Variants in MED27 observed in about 807,000 individuals in gnomAD.
MED27 encodes mediator complex subunit 27, also known as mediator of RNA polymerase II transcription subunit 27.
Under a neutral mutation model 38.2 loss-of-function variants are expected in MED27, and 30 were observed. The ratio of observed to expected loss-of-function variants is 0.79; its 90% CI spans 0.59 to 1.07. The LOEUF is 1.07. Ranked by LOEUF, MED27 falls within the 50% of genes least tolerant of loss-of-function variation. The pLI is 0.00. For synonymous variants in MED27, 122 were observed against 153.5 expected, an observed-to-expected ratio of 0.79 and a Z score of 1.52; for missense variants, 289 against 397.5, an observed-to-expected ratio of 0.73 and a Z score of 2.32.
At position 131,883,998 on chromosome 9, in the gene MED27, C is replaced by G; in HGVS notation, c.723+60G>C. On this transcript the variant is annotated intron_variant, in intron 6 of 7. Coordinates refer to ENST00000292035, the MANE Select transcript of MED27 (RefSeq NM_004269.4). The surrounding 1 kb of genome is among the most constrained non-coding windows in gnomAD (Gnocchi z 4.2). ...CTCTGATTTGAGACCAATGTTTAAACCTCAAAGCATTCACGTTTTCCTAAT... is the reference window on the plus strand; with the variant it reads ...CTCTGATTTGAGACCAATGTTTAAAGCTCAAAGCATTCACGTTTTCCTAAT... 1 of 1,447,726 alleles carries G rather than the reference C, an allele frequency of 6.9e-7. No individual in the cohort carries two copies. The highest frequency in any genetic ancestry group is 9.6e-7 in the Non-Finnish European group (1 of 1,037,752). 89.7% of individuals were successfully genotyped at this position (1,447,726 alleles called of 1,614,324 possible).
intron 3 of MED27, among the ~76,000 whole-genome samples, chr9:131,945,321 T>C (rs926457233): frequency 6.6e-6 from 1 of 151,880 alleles, no homozygotes; most frequent in Non-Finnish European, 1.5e-5. Flanking sequence ...AAATAAAGAT[T>C]GTATATATTT....
intron 3 of MED27, among the ~76,000 whole-genome samples, chr9:131,966,422 A>G (rs1379843061): frequency 6.7e-6 from 1 of 149,482 alleles, no homozygotes; most frequent in Non-Finnish European, 1.5e-5. Context: ...GGAAAAGGAA[A>G]AGGAAGTGTA....
rs560048613 is a variant in MED27 at position 131,872,894 on chromosome 9, G to A, written c.724-9754C>T. 6.6e-6 allele frequency among the ~76,000 whole-genome samples: 1 copy of A among 152,326 alleles called. No homozygotes were observed. The highest frequency in any genetic ancestry group is 1.9e-4 in the East Asian group (1 of 5,194). The stretch of plus-strand genomic sequence containing the variant: ...TGAGGATTCAGCTTGGAACCAGGGA[G>A]GCCACCTGCACAGCACTGTCCTCTG... On this transcript the variant is annotated intron_variant, in intron 6 of 7. Transcript: ENST00000292035. This position sits in a 1 kb window ranked among gnomAD's most constrained non-coding sequence, Gnocchi z 5.6.
At chr9:131,903,833 T>A (rs2131522179) in intron 4 of MED27, among the ~76,000 whole-genome samples, 1 of 151,502 alleles carries the variant, frequency 6.6e-6, no homozygotes, top group African/African-American at 2.4e-5. Context: ...GCTCAAGTGA[T>A]CCTCCTGCCT....
intron 3 of MED27, among the ~76,000 whole-genome samples, chr9:131,942,902 T>C (rs1830813600): frequency 6.6e-6 from 1 of 152,154 alleles, no homozygotes; most frequent in Admixed American, 6.5e-5. Flanking sequence ...CCTTTATTGA[T>C]GAGATTTTTA....
At chr9:132,025,433 C>T (rs1168213430) in intron 2 of MED27, among the ~76,000 whole-genome samples, 2 of 152,224 alleles carry the variant, frequency 1.3e-5, no homozygotes, top group African/African-American at 4.8e-5. Context: ...CTGCCCGCCT[C>T]GACCTCCCAA....
chr9:132,026,518 G>A (rs929439857), intron 2 of MED27, among the ~76,000 whole-genome samples: 1 of 152,106 alleles, frequency 6.6e-6, no homozygotes, highest in African/African-American at 2.4e-5. Flanking sequence ...CAAGAGTGCC[G>A]GAACTGTCTT....
At chr9:131,995,836 T>C (rs1832079513) in intron 3 of MED27, among the ~76,000 whole-genome samples, 1 of 152,220 alleles carries the variant, frequency 6.6e-6, no homozygotes, top group Non-Finnish European at 1.5e-5. Context: ...TCCTCCAGGA[T>C]GCAGTATATG....
chr9:131,905,760 C>A (rs1028072350), intron 4 of MED27, among the ~76,000 whole-genome samples: 21 of 140,438 alleles, frequency 1.5e-4, no homozygotes, highest in Admixed American at 4.2e-4. Flanking sequence ...AAAGAAAAAA[C>A]CAACCTGCCT....
intron 3 of MED27, among the ~76,000 whole-genome samples, chr9:132,013,244 A>AG (rs1464343837): frequency 1.3e-5 from 2 of 152,250 alleles, no homozygotes; most frequent in African/African-American, 4.8e-5. Context: ...ATTCAAAGGA[A>AG]GACTACACTG....
At chr9:132,074,154 A>G (rs1833999413) in intron 2 of MED27, among the ~76,000 whole-genome samples, 1 of 152,224 alleles carries the variant, frequency 6.6e-6, no homozygotes, top group Admixed American at 6.5e-5. Flanking sequence ...ACAATTATCT[A>G]TAGGTGCATA....
intron 3 of MED27, among the ~76,000 whole-genome samples, chr9:131,986,110 T>C (rs990648484): frequency 6.6e-6 from 1 of 152,140 alleles, no homozygotes; most frequent in Non-Finnish European, 1.5e-5. Flanking sequence ...GTTAACAAAA[T>C]GTAAAAGTTT....
intron 3 of MED27, among the ~76,000 whole-genome samples, chr9:131,940,227 T>C (rs1246876720): frequency 6.6e-6 from 1 of 152,126 alleles, no homozygotes; most frequent in African/African-American, 2.4e-5. Flanking sequence ...TTTAAATACC[T>C]GAAGTCATTC....
chr9:131,914,786 T>C (rs1185175477), intron 4 of MED27, among the ~76,000 whole-genome samples: 1 of 152,008 alleles, frequency 6.6e-6, no homozygotes, highest in Non-Finnish European at 1.5e-5. Context: ...GAGAGGCCAG[T>C]TGGGAGGATG....
chr9:131,990,019 G>T (rs536700249), intron 3 of MED27, among the ~76,000 whole-genome samples: 12 of 152,162 alleles, frequency 7.9e-5, no homozygotes, highest in Non-Finnish European at 1.5e-4. Context: ...CTCCTATACT[G>T]CAGCTTACAC....
chr9:131,945,403 C>T (rs1830867246), intron 3 of MED27, among the ~76,000 whole-genome samples: 1 of 152,046 alleles, frequency 6.6e-6, no homozygotes, highest in Admixed American at 6.5e-5. Flanking sequence ...TCAGCACATA[C>T]ACTGCCTCAC....
chr9:131,975,311 T>C (rs2131019585), intron 3 of MED27, among the ~76,000 whole-genome samples: 1 of 152,328 alleles, frequency 6.6e-6, no homozygotes, highest in South Asian at 2.1e-4. Context: ...CTCTGTGTTA[T>C]GAAGAATATG....
rs1326278583 is a variant in MED27, at chr9:131,862,318, T to C, written c.801+745A>G. ...AGGGAGTCCCAGCAGCGGTGGATGA[T>C]GGGGTCTGCTGGCGTGAGAGCATGC... is the stretch of plus-strand genomic sequence containing the variant. On this transcript the variant is annotated intron_variant, in intron 7 of 7. Coordinates refer to ENST00000292035, the MANE Select transcript of MED27 (RefSeq NM_004269.4). This position sits in a 1 kb window ranked among gnomAD's most constrained non-coding sequence, Gnocchi z 4.6. 6.6e-6 allele frequency among the ~76,000 whole-genome samples: 1 copy of C among 152,102 alleles called. No homozygotes were observed. The highest frequency in any genetic ancestry group is 1.5e-5 in the Non-Finnish European group (1 of 68,012).
At chr9:131,906,957 C>T (rs1185088980) in intron 4 of MED27, among the ~76,000 whole-genome samples, 1 of 152,140 alleles carries the variant, frequency 6.6e-6, no homozygotes, top group African/African-American at 2.4e-5. Context: ...AACTTCCTGA[C>T]ATTGCCAGGG....
Sources: gnomAD v4.1 joint callset for allele counts (sites outside exome capture counted in the v4.1 genomes callset) on GRCh38, gnomAD v4.1.1 for gene constraint, Gnocchi (gnomAD v3.1) non-coding constraint, MANE v1.5 for transcripts, NCBI Gene and HGNC (gene_info 2026-07-23, HGNC 2026-07-21) for gene names.